The following TENM2 variants were observed in gnomAD, a reference collection of about 807,000 sequenced individuals.
TENM2 encodes the protein teneurin transmembrane protein 2, also known as teneurin-2.
In TENM2, 52 loss-of-function variants were observed where a neutral mutation model predicts 245.2. That is an observed-to-expected ratio of 0.21 (90% CI 0.17 to 0.27). The LOEUF (loss-of-function observed/expected upper bound fraction) is 0.27. Among genes scored for constraint, TENM2 ranks in the 10% least tolerant of loss-of-function variants. TENM2 has a pLI of 1.00. For missense variants in TENM2, 3,046 were observed against 3,666.8 expected (o/e 0.83, Z 4.37); for synonymous variants, 1,363 against 1,438.9 (o/e 0.95, Z 1.19).
At chr5:167,473,666 T>G (rs12515748) in intron 2 of TENM2, among the ~76,000 whole-genome samples, 136,674 of 152,152 alleles carry the variant, frequency 0.9, 61,962 homozygotes, top group Non-Finnish European at 0.97. Flanking sequence ...AGATTGTGAG[T>G]CAATGTCCAG....
chr5:167,243,832 C>T, the TENM2 span, among the ~76,000 whole-genome samples: 1 of 152,192 alleles, frequency 6.6e-6, no homozygotes, highest in Non-Finnish European at 1.5e-5. Flanking sequence ...GTTTCTCCTT[C>T]ACAAAGTATC....
At chr5:167,408,266 G>A (rs760600110) in intron 2 of TENM2, among the ~76,000 whole-genome samples, 201 of 152,122 alleles carry the variant, frequency 1.3e-3, no homozygotes, top group Non-Finnish European at 2.0e-3. Flanking sequence ...AGGTGTTAAG[G>A]AGTTTGCTTG....
At chr5:168,135,147 C>T (rs1165358108) in intron 12 of TENM2, among the ~76,000 whole-genome samples, 1 of 152,208 alleles carries the variant, frequency 6.6e-6, no homozygotes. Flanking sequence ...TGTCCCCATT[C>T]AGCCTGATAA....
the TENM2 span, among the ~76,000 whole-genome samples, chr5:166,997,401 A>G: frequency 1.3e-5 from 2 of 152,152 alleles, no homozygotes; most frequent in African/African-American, 2.4e-5. Context: ...ATGGAATAGA[A>G]TTTCCTTATC....
chr5:168,117,625 A>G (rs556840903), intron 9 of TENM2, among the ~76,000 whole-genome samples: 1 of 152,346 alleles, frequency 6.6e-6, no homozygotes, highest in South Asian at 2.1e-4. Flanking sequence ...GCAGTTGACC[A>G]TGGGTAACTG....
intron 20 of TENM2, among the ~76,000 whole-genome samples, chr5:168,213,555 T>A (rs1581650228): frequency 6.6e-6 from 1 of 152,032 alleles, no homozygotes; most frequent in Non-Finnish European, 1.5e-5. Flanking sequence ...GCTGGTTGCA[T>A]GGTTTATACC....
chr5:168,156,790 C>T (rs957232257), intron 12 of TENM2, among the ~76,000 whole-genome samples: 1 of 152,074 alleles, frequency 6.6e-6, no homozygotes, highest in Non-Finnish European at 1.5e-5. Context: ...CCAAAGGCAT[C>T]GGATTCAGCC....
At chr5:167,555,352 A>G (rs1039424687) in intron 2 of TENM2, among the ~76,000 whole-genome samples, 2 of 152,220 alleles carry the variant, frequency 1.3e-5, no homozygotes, top group Non-Finnish European at 2.9e-5. Context: ...GAAGCTTACT[A>G]TGGTAATTTT....
At position 167,640,843 on chromosome 5, in the gene TENM2, A is replaced by T. The variant is rs1278204258; in HGVS notation, c.503-235143A>T. On this transcript the variant is annotated intron_variant, in intron 2 of 28. Transcript: ENST00000518659. Reference sequence around the variant, plus strand: ...AATAGAAATAGAAATATATATATCCATATATATATATATATCCATATATAT... The same window carrying T: ...AATAGAAATAGAAATATATATATCCTTATATATATATATATCCATATATAT... Among the ~76,000 whole-genome samples, 40 of 3,210 alleles carry T rather than the reference A, an allele frequency of 0.012. 1 individual carries two copies. In the South Asian group the frequency reaches 0.23, roughly 18 times the overall value. The allele number at this position is 3,210 out of a possible 152,430, so 2.1% of individuals were successfully genotyped here.
At chr5:167,427,128 GAGAA>G (rs1363789022) in intron 2 of TENM2, among the ~76,000 whole-genome samples, 2 of 151,918 alleles carry the variant, frequency 1.3e-5, no homozygotes, top group African/African-American at 2.4e-5. Flanking sequence ...GAGAAAGAAA[GAGAA>G]AGAAAAAGAG....
the TENM2 span, chr5:167,168,120 T>C: frequency 2.5e-4 from 38 of 152,194 alleles, no homozygotes; most frequent in Admixed American, 2.5e-3. Context: ...GCCGCATAGG[T>C]GTTCTGAAAA....
intron 20 of TENM2, among the ~76,000 whole-genome samples, chr5:168,214,122 C>A (rs970463450): frequency 6.6e-6 from 1 of 152,214 alleles, no homozygotes; most frequent in African/African-American, 2.4e-5. Flanking sequence ...AGTCAAATGA[C>A]TTAACCAAGG....
At chr5:167,025,926 T>TA in the TENM2 span, among the ~76,000 whole-genome samples, 129 of 152,168 alleles carry the variant, frequency 8.5e-4, 1 homozygote, top group East Asian at 0.022. Flanking sequence ...CCCCCATATT[T>TA]AAAAAAACAA....
chr5:168,210,848 T>A (rs1185755768), intron 19 of TENM2, among the ~76,000 whole-genome samples: 2 of 152,116 alleles, frequency 1.3e-5, no homozygotes, highest in Non-Finnish European at 2.9e-5. Context: ...TGGGAGTGGT[T>A]CTCCTTAATT....
intron 1 of TENM2, chr5:167,296,639 G>A (rs1365492380): frequency 2.0e-5 from 3 of 152,180 alleles, no homozygotes; most frequent in Non-Finnish European, 4.4e-5. Flanking sequence ...CTCTCAAAAT[G>A]ACTGCAAGTT....
chr5:168,219,216 T>C (rs1241289929), intron 23 of TENM2, among the ~76,000 whole-genome samples: 2 of 152,166 alleles, frequency 1.3e-5, no homozygotes, highest in Non-Finnish European at 2.9e-5. Context: ...CCTACTAGAG[T>C]TGGGAATTCC....
intron 27 of TENM2, among the ~76,000 whole-genome samples, chr5:168,257,833 C>T (rs1436325959): frequency 2.0e-5 from 3 of 152,016 alleles, no homozygotes; most frequent in Non-Finnish European, 4.4e-5. Flanking sequence ...ACAGTCTGGT[C>T]TCAACCTCCT....
the TENM2 span, among the ~76,000 whole-genome samples, chr5:167,070,718 G>C: frequency 6.6e-6 from 1 of 152,004 alleles, no homozygotes; most frequent in Non-Finnish European, 1.5e-5. Flanking sequence ...AAGCGTTTTT[G>C]TCAAGTGTGA....
At chr5:167,597,765 TCC>T (rs1776323103) in intron 2 of TENM2, among the ~76,000 whole-genome samples, 1 of 152,198 alleles carries the variant, frequency 6.6e-6, no homozygotes, top group South Asian at 2.1e-4. Context: ...ATGTCATATT[TCC>T]ATATTTTCAT....
Sources: gnomAD v4.1 joint callset for allele counts (sites outside exome capture counted in the v4.1 genomes callset) on GRCh38, gnomAD v4.1.1 for gene constraint, MANE v1.5 for transcripts, NCBI Gene and HGNC (gene_info 2026-07-23, HGNC 2026-07-21) for gene names.